Variants in INTS3 observed in about 807,000 individuals in gnomAD.
INTS3 encodes the protein SOSS complex subunit A.
In INTS3, 34 loss-of-function variants were observed where a neutral mutation model predicts 146.3. That is an observed-to-expected ratio of 0.23 (90% CI 0.18 to 0.31). The LOEUF is 0.31. Among genes scored for constraint, INTS3 ranks in the 10% least tolerant of loss-of-function variants. The pLI is 1.00. For synonymous variants in INTS3, 475 were observed against 494.9 expected (o/e 0.96, Z 0.53); for missense variants, 757 against 1,304.2 (o/e 0.58, Z 6.46).
At chr1:153,733,450 AT>A (rs1671166582) in intron 1 of INTS3, among the ~76,000 whole-genome samples, 1 of 150,984 alleles carries the variant, frequency 6.6e-6, no homozygotes, top group Non-Finnish European at 1.5e-5. Context: ...TGACCTCGTG[AT>A]CTTCCTGCCT....
At chr1:153,750,835 G>A in intron 6 of INTS3, 2 of 469,104 alleles carry the variant, frequency 4.3e-6, no homozygotes, top group Non-Finnish European at 7.5e-6. Context: ...TAGTTAGGTG[G>A]TAAAAAGAGA....
chr1:153,734,603 G>A (rs753498866), intron 1 of INTS3, among the ~76,000 whole-genome samples: 6 of 152,196 alleles, frequency 3.9e-5, no homozygotes, highest in East Asian at 1.9e-4. Flanking sequence ...CAGAGCTCAC[G>A]GGAGCTAGGG....
chr1:153,755,921 T>C (rs1166259927), intron 9 of INTS3, among the ~76,000 whole-genome samples: 1 of 152,094 alleles, frequency 6.6e-6, no homozygotes, highest in African/African-American at 2.4e-5. Context: ...ACGCCTGTAA[T>C]CCCAGCTACT....
intron 10 of INTS3, among the ~76,000 whole-genome samples, chr1:153,758,565 T>C (rs1672249019): frequency 6.6e-6 from 1 of 152,040 alleles, no homozygotes; most frequent in South Asian, 2.1e-4. Context: ...CCCAGCACTT[T>C]GGGAGGTTGA....
intron 20 of INTS3, chr1:153,767,204 C>T (rs1672620449): frequency 6.5e-6 from 1 of 153,942 alleles, no homozygotes; most frequent in South Asian, 2.1e-4. Flanking sequence ...TTTTCTTTTA[C>T]CACTTGTGTT....
chr1:153,756,407 G>T (rs1161512719), intron 9 of INTS3, among the ~76,000 whole-genome samples: 3 of 151,756 alleles, frequency 2.0e-5, no homozygotes, highest in Non-Finnish European at 4.4e-5. Context: ...AGTGGCATGT[G>T]CCTGTAATCC....
chr1:153,747,235 C>T lies in INTS3; in HGVS notation c.433-44C>T, dbSNP rs918670934. On this transcript the variant is annotated intron_variant, in intron 4 of 29. Transcript: ENST00000318967. Reference sequence around the variant, plus strand: ...TAATTGAATTAGCTCCCTTCTCAAACTCACAGTTCCTGCTCTTCATCTGTT... The same window carrying T: ...TAATTGAATTAGCTCCCTTCTCAAATTCACAGTTCCTGCTCTTCATCTGTT... 2.6e-6 allele frequency: 4 copies of T among 1,554,830 alleles called. No individual in the cohort carries two copies. In the African/African-American group the frequency reaches 5.4e-5, roughly 21 times the overall value.
intron 3 of INTS3, among the ~76,000 whole-genome samples, chr1:153,744,033 ATGTGCGTGTGTGTGTGTG>A (rs1671635079): frequency 2.0e-5 from 2 of 102,282 alleles, no homozygotes; most frequent in African/African-American, 7.9e-5. Flanking sequence ...GAGGGTGTGC[ATGTGCGTGTGTGTGTGTG>A]TGTGTGTGTG....
intron 14 of INTS3, among the ~76,000 whole-genome samples, chr1:153,762,144 T>A (rs546732174): frequency 6.6e-6 from 1 of 152,284 alleles, no homozygotes; most frequent in African/African-American, 2.4e-5. Flanking sequence ...TCCAACTTGG[T>A]TTTAAATTAA....
intron 23 of INTS3, 71 bp from the exon 24 acceptor site, chr1:153,770,123 GGGGT>G (rs1468669274): frequency 1.0e-5 from 6 of 585,950 alleles, no homozygotes; most frequent in South Asian, 5.2e-5. Flanking sequence ...AGTGGATGGG[GGGGT>G]GGGGGGGGTG....
Position 153,763,261 on chromosome 1 carries a change from T to G in INTS3, c.1665T>G (p.Pro555=), listed in dbSNP as rs763124516. Residue 555 remains proline, a synonymous_variant, in exon 16 of 30, where the codon CCT becomes CCG. Coordinates refer to ENST00000318967, the MANE Select transcript of INTS3 (RefSeq NM_023015.5). ...KGKKREFRFH[P]IKETVVEEPV... Reference sequence around the variant, plus strand: ...AGAAGAGGGAGTTTCGCTTCCACCCTATCAAGGAGACAGTTGTGGAGGAGC... The same window carrying G: ...AGAAGAGGGAGTTTCGCTTCCACCCGATCAAGGAGACAGTTGTGGAGGAGC... 33 of 1,614,094 alleles carry G rather than the reference T, an allele frequency of 2.0e-5. No homozygotes were observed. The South Asian group carries it at 3.6e-4, about 18-fold the overall frequency.
chr1:153,762,725 A>C lies in INTS3; in HGVS notation c.1517-3A>C. ...AAATGCCTTATCTTTTTTTACTCCC[A>C]AGTCAAAATTGAGGAGCCAGTTTCC... On this transcript the variant is annotated splice_region_variant and splice_polypyrimidine_tract_variant and intron_variant, in intron 14 of 29. Transcript: ENST00000318967. 6.2e-7 allele frequency: 1 copy of C among 1,614,054 alleles called. No individual in the cohort carries two copies. Among genetic ancestry groups the C allele is most frequent in the Non-Finnish European group, 8.5e-7 (1 of 1,179,990 alleles).
intron 20 of INTS3, among the ~76,000 whole-genome samples, chr1:153,766,115 CTTTTTTTTTTT>C (rs542483679): frequency 3.9e-4 from 33 of 84,634 alleles, no homozygotes; most frequent in Admixed American, 5.8e-4. Context: ...TTTTCTTTCT[CTTTTTTTTTTT>C]TTTTTTTTTT....
At chr1:153,760,542 C>A in intron 12 of INTS3, 152 bp downstream of exon 12, 1 of 660,270 alleles carries the variant, frequency 1.5e-6, no homozygotes, top group Non-Finnish European at 2.6e-6. Context: ...TAAATGCTTC[C>A]CTTCCATATT....
chr1:153,764,953 T>A lies in INTS3; in HGVS notation c.1980T>A (p.Cys660Ter). The change falls in exon 20 of 30, where the codon TGT (cysteine) becomes TGA (stop). Residue 660 changes from cysteine to a stop codon, truncating the protein, a stop_gained. Coordinates refer to ENST00000318967, the MANE Select transcript of INTS3 (RefSeq NM_023015.5). LOFTEE classifies it high-confidence loss of function. Reference sequence around the variant, plus strand: ...CATGCCCCACCTCCAGGAACCTATGTCAGATGCAGGAAGACAACAGCAGCT... The same window carrying A: ...CATGCCCCACCTCCAGGAACCTATGACAGATGCAGGAAGACAACAGCAGCT... ...KPLYLIFRNL[C>*]QMQEDNSSFS... The A allele has an allele frequency of 5.0e-6, 8 of 1,614,122 alleles. No individual in the cohort carries two copies. The highest frequency in any genetic ancestry group is 6.8e-6 in the Non-Finnish European group (8 of 1,179,982).
rs1333516684 is a variant in INTS3 at position 153,757,533 on chromosome 1, T to G, written c.958-39T>G. ...TTTCCTCTGGCCAAGGACCCCACAC[T>G]GTCTTCTAAGGTCTTTTTCTTGCTT... On this transcript the variant is annotated intron_variant, in intron 9 of 29. Coordinates refer to ENST00000318967, the MANE Select transcript of INTS3 (RefSeq NM_023015.5). The surrounding 1 kb of genome is among the most constrained non-coding windows in gnomAD (Gnocchi z 4.0). The G allele has an allele frequency of 6.3e-7, 1 of 1,591,594 alleles. No individual in the cohort carries two copies. Among genetic ancestry groups the G allele is most frequent in the Non-Finnish European group, 8.6e-7 (1 of 1,161,750 alleles).
chr1:153,752,843 G>A (rs1273544740), intron 8 of INTS3, among the ~76,000 whole-genome samples: 2 of 152,102 alleles, frequency 1.3e-5, no homozygotes, highest in Admixed American at 1.3e-4. Context: ...GTCTTGCCTC[G>A]AATTCCAAGG....
At chr1:153,767,286 C>G in intron 20 of INTS3, 1 of 179,118 alleles carries the variant, frequency 5.6e-6, no homozygotes, top group Non-Finnish European at 1.2e-5. Flanking sequence ...ACATTTAGGC[C>G]TACAAGCCAT....
intron 16 of INTS3, 121 bp from the exon 17 acceptor site, chr1:153,763,711 C>T (rs1048191402): frequency 1.1e-6 from 1 of 883,054 alleles, no homozygotes; most frequent in African/African-American, 1.7e-5. Context: ...TGGGATTTTA[C>T]ACAGAGCTCC....
Sources: allele counts gnomAD v4.1 joint callset (sites outside exome capture counted in the v4.1 genomes callset), GRCh38; gene constraint gnomAD v4.1.1; non-coding constraint Gnocchi (gnomAD v3.1); transcripts MANE v1.5; gene names NCBI Gene and HGNC (gene_info 2026-07-23, HGNC 2026-07-21).